Variants in LRCH2 observed in about 807,000 individuals in gnomAD.
The protein encoded by LRCH2 is leucine rich repeats and calponin homology domain containing 2, also known as leucine-rich repeat and calponin homology domain-containing protein 2.
Under a neutral mutation model 68.9 loss-of-function variants are expected in LRCH2, and 38 were observed. The observed-to-expected ratio is 0.55, with a 90% CI of 0.43 to 0.72. The LOEUF is 0.72. LRCH2 is among the 30% of genes least tolerant of loss of function. The pLI, the probability that LRCH2 is intolerant of heterozygous loss-of-function variation, is 0.00. For synonymous variants in LRCH2, 191 were observed against 208.1 expected (o/e 0.92, Z 0.71); for missense variants, 528 against 572.9 (o/e 0.92, Z 0.80).
intron 20 of LRCH2, among the ~76,000 whole-genome samples, chrX:115,121,729 A>C (rs967444772): frequency 2.7e-5 from 3 of 112,425 alleles, no homozygotes; most frequent in African/African-American, 6.5e-5. Context: ...ACATTATGTA[A>C]TTTCCAAATT....
At chrX:115,144,596 G>A (rs1442734277) in intron 14 of LRCH2, among the ~76,000 whole-genome samples, 1 of 109,626 alleles carries the variant, frequency 9.1e-6, no homozygotes, top group Non-Finnish European at 1.9e-5. Context: ...GATAAATTCT[G>A]TAAAGTTGCA....
At chrX:115,143,916 G>A (rs1373992350) in intron 14 of LRCH2, among the ~76,000 whole-genome samples, 1 of 111,635 alleles carries the variant, frequency 9.0e-6, no homozygotes, top group African/African-American at 3.3e-5. Flanking sequence ...ACAAGCATTT[G>A]CTAAAATCCA....
intron 3 of LRCH2, among the ~76,000 whole-genome samples, chrX:115,183,467 A>C (rs782448288): frequency 9.0e-6 from 1 of 111,302 alleles, no homozygotes; most frequent in South Asian, 3.8e-4. Context: ...GGCCGAAGCA[A>C]GTGGATCACT....
At chrX:115,123,284 T>C in intron 17 of LRCH2, 92 bp from the exon 18 acceptor site, 2 of 586,819 alleles carry the variant, frequency 3.4e-6, no homozygotes, top group Non-Finnish European at 5.4e-6. Context: ...CAATACAAAA[T>C]TACATAAAAT....
At position 115,194,712 on chromosome X, in the gene LRCH2, T is replaced by C. The variant is rs2072874629; in HGVS notation, c.350-6342A>G. Reference sequence around the variant, plus strand: ...AGGGGATGGCAAAGAGCTAGGTATGTGGAAGAAATGAGAGGAAAGAATCAA... The same window carrying C: ...AGGGGATGGCAAAGAGCTAGGTATGCGGAAGAAATGAGAGGAAAGAATCAA... On this transcript the variant is annotated intron_variant, in intron 1 of 20. Transcript: ENST00000317135. Among the ~76,000 whole-genome samples, 3 of 111,836 alleles carry C rather than the reference T, an allele frequency of 2.7e-5. No homozygotes were observed. In the Admixed American group the frequency reaches 2.9e-4, roughly 11 times the overall value.
At chrX:115,192,071 C>T (rs1556560739) in intron 1 of LRCH2, 3 of 1,162,677 alleles carry the variant, frequency 2.6e-6, no homozygotes, top group Non-Finnish European at 3.4e-6. Flanking sequence ...AGGGGCCGAT[C>T]GCCCGATGCC....
At chrX:115,184,806 T>C (rs1556553863) in intron 2 of LRCH2, among the ~76,000 whole-genome samples, 1 of 111,823 alleles carries the variant, frequency 8.9e-6, no homozygotes, top group East Asian at 2.8e-4. Flanking sequence ...TTAAGTGATT[T>C]GCCCAACTAC....
chrX:115,207,296 T>C (rs1210555279), intron 1 of LRCH2, among the ~76,000 whole-genome samples: 1 of 111,197 alleles, frequency 9.0e-6, no homozygotes, highest in Non-Finnish European at 1.9e-5. Flanking sequence ...CCCAACACTT[T>C]GGGAGGCCCA....
intron 1 of LRCH2, chrX:115,189,829 G>A: frequency 6.0e-6 from 7 of 1,167,213 alleles, no homozygotes; most frequent in South Asian, 1.9e-5. Context: ...GCCTGATGAC[G>A]GCCGCGGCTA....
At chrX:115,199,087 A>G (rs190353215) in intron 1 of LRCH2, among the ~76,000 whole-genome samples, 1 of 112,299 alleles carries the variant, frequency 8.9e-6, no homozygotes, top group African/African-American at 3.2e-5. Context: ...GAAGTCCTAA[A>G]CGTGGAAGTA....
At chrX:115,173,069 T>C (rs1216351217) in intron 5 of LRCH2, among the ~76,000 whole-genome samples, 1 of 111,842 alleles carries the variant, frequency 8.9e-6, no homozygotes, top group Non-Finnish European at 1.9e-5. Context: ...CAACTGCTGC[T>C]AGAAAGCCAT....
chrX:115,136,604 T>G (rs1342949769), intron 14 of LRCH2, among the ~76,000 whole-genome samples: 2 of 111,309 alleles, frequency 1.8e-5, no homozygotes, highest in African/African-American at 6.5e-5. Flanking sequence ...AATAGGAATT[T>G]GCCAGAGATA....
chrX:115,116,532 C>T (rs1363138999), intron 20 of LRCH2, among the ~76,000 whole-genome samples: 1 of 110,804 alleles, frequency 9.0e-6, no homozygotes, highest in Non-Finnish European at 1.9e-5. Flanking sequence ...GGAAGGACTG[C>T]GAATGGGCAA....
Position 115,150,051 on chromosome X carries a change from T to C in LRCH2, c.1549A>G (p.Asn517Asp). 1 of 1,169,665 alleles carries C rather than the reference T, an allele frequency of 8.5e-7. No homozygotes were observed. Among genetic ancestry groups the C allele is most frequent in the Non-Finnish European group, 1.1e-6 (1 of 872,822 alleles). The part of the protein sequence containing the change: ...CEKSVSADEV[N>D]SPLSPLTWQP... ...CAGGTGAGGGGTGATAATGGTGAATTAACTTCATCTGCTGAGACACTAAAA... is the reference window on the plus strand; with the variant it reads ...CAGGTGAGGGGTGATAATGGTGAATCAACTTCATCTGCTGAGACACTAAAA... The change falls in exon 13 of 21, where the codon AAT becomes GAT. Residue 517 changes from asparagine to aspartate, a missense_variant. Physicochemically the swap from Asn to Asp is conservative, Grantham distance 23. Coordinates refer to ENST00000317135, the MANE Select transcript of LRCH2 (RefSeq NM_020871.4).
chrX:115,123,151 G>T lies in LRCH2; in HGVS notation c.1891C>A (p.Pro631Thr), dbSNP rs782756076. 2 of 1,209,764 alleles carry T rather than the reference G, an allele frequency of 1.7e-6. No homozygotes were observed. Among genetic ancestry groups the T allele is most frequent in the Non-Finnish European group, 2.2e-6 (2 of 894,653 alleles). The change falls in exon 18 of 21, where the codon CCA (proline) becomes ACA (threonine). Residue 631 changes from proline to threonine, a missense_variant. Physicochemically the swap from Pro to Thr is conservative, Grantham distance 38. Transcript: ENST00000317135. ...SSRQEYGAAD[P>T]GFTMRRKMEH... ...ATCTTTCTTCTCATTGTAAATCCTG[G>T]ATCTGCTGCCCCATATTCTTGGCGA...
In LRCH2 at chrX:115,150,046, T is replaced by A. The variant is rs1556537899; in HGVS notation, c.1554A>T (p.Ser518=). 1.7e-6 allele frequency: 2 copies of A among 1,169,547 alleles called. No homozygotes were observed. The highest frequency in any genetic ancestry group is 3.6e-5 in the African/African-American group (2 of 55,673). ...EKSVSADEVN[S]PLSPLTWQPL... is the part of the protein sequence containing the mutation. ...CCTGCCAGGTGAGGGGTGATAATGG[T>A]GAATTAACTTCATCTGCTGAGACAC... The change falls in exon 13 of 21, where the codon TCA becomes TCT. Residue 518 remains serine, a synonymous_variant. Coordinates refer to ENST00000317135, the MANE Select transcript of LRCH2 (RefSeq NM_020871.4).
At chrX:115,171,246 C>T (rs782357344) in intron 5 of LRCH2, among the ~76,000 whole-genome samples, 3 of 111,469 alleles carry the variant, frequency 2.7e-5, no homozygotes, top group Non-Finnish European at 5.7e-5. Context: ...AAGACAACAA[C>T]ATTAAAAAGC....
intron 14 of LRCH2, among the ~76,000 whole-genome samples, 184 bp from the exon 15 acceptor site, chrX:115,130,383 G>T (rs906949285): frequency 3.6e-5 from 4 of 111,807 alleles, no homozygotes; most frequent in Non-Finnish European, 5.6e-5. Flanking sequence ...TGCTTTCCAT[G>T]TGCAAGGCAT....
rs1474531670 is a variant in LRCH2, at chrX:115,191,342, G to A, written c.350-2972C>T. On this transcript the variant is annotated intron_variant, in intron 1 of 20. Coordinates refer to ENST00000317135, the MANE Select transcript of LRCH2 (RefSeq NM_020871.4). ...GGAGGAGGCCGCTACGAGGAGTACC[G>A]AGGCCGCTCCCTTGATGCCAACAGT... is the stretch of plus-strand genomic sequence containing the variant. The A allele has an allele frequency of 6.1e-6, 7 of 1,146,612 alleles. No homozygotes were observed. The highest frequency in any genetic ancestry group is 1.9e-5 in the South Asian group (1 of 51,503). The allele number at this position is 1,146,612 out of a possible 1,213,427, so 94.5% of individuals were successfully genotyped here.
Sources: allele counts gnomAD v4.1 joint callset (sites outside exome capture counted in the v4.1 genomes callset), GRCh38; gene constraint gnomAD v4.1.1; transcripts MANE v1.5; gene names NCBI Gene and HGNC (gene_info 2026-07-23, HGNC 2026-07-21).